Variants in TTLL6 observed in about 807,000 individuals in gnomAD.
The protein encoded by TTLL6 is tubulin tyrosine ligase like 6, also known as tubulin polyglutamylase TTLL6.
In TTLL6, 75 loss-of-function variants were observed where a neutral mutation model predicts 96.4. The ratio of observed to expected loss-of-function variants is 0.78; its 90% confidence interval spans 0.65 to 0.94. The LOEUF (loss-of-function observed/expected upper bound fraction) is 0.94, where lower values mean the gene tolerates loss of function less well. TTLL6 is among the 40% of genes least tolerant of loss of function. The pLI, the probability that TTLL6 is intolerant of heterozygous loss-of-function variation, is 0.00. For synonymous variants in TTLL6, 411 were observed against 419.4 expected (o/e 0.98, Z 0.24); for missense variants, 1,030 against 1,093.0 (o/e 0.94, Z 0.81).
chr17:48,811,518 G>C (rs1295512421), intron 1 of TTLL6, among the ~76,000 whole-genome samples: 1 of 151,864 alleles, frequency 6.6e-6, no homozygotes. Context: ...ACCATGAGCC[G>C]CTGTGCCCAG....
At chr17:48,774,096 C>CAAAAAAAAAAAAAAA (rs1286139436) in intron 13 of TTLL6, among the ~76,000 whole-genome samples, 19 of 44,074 alleles carry the variant, frequency 4.3e-4, no homozygotes, top group Middle Eastern at 0.011. Flanking sequence ...AAAAACAAAA[C>CAAAAAAAAAAAAAAA]AAAAAAAAAA....
rs748462921 is a variant in TTLL6 at position 48,790,000 on chromosome 17, T to C, written c.1331A>G (p.Lys444Arg). ...TCTCTCCTCCTCCAAGACTTTCTTCTTGTCACAGCTTTCCAGGTTGATCAG... is the reference window on the plus strand; with the variant it reads ...TCTCTCCTCCTCCAAGACTTTCTTCCTGTCACAGCTTTCCAGGTTGATCAG... ...LVLINLESCDKKKVLEEERQR... is the reference protein window; with the variant it reads ...LVLINLESCDRKKVLEEERQR... Residue 444 changes from lysine to arginine, a missense_variant, in exon 10 of 16, where the codon AAG (lysine) becomes AGG (arginine). Physicochemically the swap from Lys to Arg is conservative, Grantham distance 26. Transcript: ENST00000393382. 4 of 1,614,086 alleles carry C rather than the reference T, an allele frequency of 2.5e-6. No homozygotes were observed. The Admixed American group carries it at 6.7e-5, about 27-fold the overall frequency.
chr17:48,789,333 A>G (rs573214926), intron 10 of TTLL6, among the ~76,000 whole-genome samples: 1 of 152,110 alleles, frequency 6.6e-6, no homozygotes, highest in African/African-American at 2.4e-5. Flanking sequence ...TGTTAAAATG[A>G]CCCCCTCCAA....
chr17:48,806,055 G>C (rs1159974319), intron 1 of TTLL6: 1 of 152,388 alleles, frequency 6.6e-6, no homozygotes, highest in Non-Finnish European at 1.5e-5. Context: ...GTTGTGGTGA[G>C]CCAAGATCGT....
intron 1 of TTLL6, 86 bp from the exon 2 acceptor site, chr17:48,805,077 G>T (rs1014455268): frequency 4.2e-5 from 46 of 1,106,356 alleles, no homozygotes; most frequent in Non-Finnish European, 4.9e-5. Context: ...AGAGACCCAG[G>T]GTTCTAATTC....
intron 13 of TTLL6, among the ~76,000 whole-genome samples, chr17:48,771,576 G>A (rs190162398): frequency 4.6e-5 from 7 of 151,962 alleles, no homozygotes; most frequent in Non-Finnish European, 1.0e-4. Context: ...AGGTTATAGT[G>A]AGGTATGATC....
chr17:48,769,387 CA>C (rs2038685739), intron 14 of TTLL6, 133 bp from the exon 15 acceptor site: 5 of 1,122,164 alleles, frequency 4.5e-6, no homozygotes, highest in Non-Finnish European at 6.2e-6. Context: ...CAGAATCAGC[CA>C]TTGCTCCTTT....
rs758300674 is a variant in TTLL6, at chr17:48,786,343, T to C, written c.1590-8A>G. On this transcript the variant is annotated splice_polypyrimidine_tract_variant and splice_region_variant and intron_variant, in intron 11 of 15. Coordinates refer to ENST00000393382, the MANE Select transcript of TTLL6 (RefSeq NM_001130918.3). ...AGCTCCTGGATCAGTTGCCTGCCCATGAAGAACAAGTGAACATCATGGGGG... is the reference window on the plus strand; with the variant it reads ...AGCTCCTGGATCAGTTGCCTGCCCACGAAGAACAAGTGAACATCATGGGGG... 3 of 1,614,082 alleles carry C rather than the reference T, an allele frequency of 1.9e-6. No homozygotes were observed. The highest frequency in any genetic ancestry group is 2.5e-6 in the Non-Finnish European group (3 of 1,180,042).
chr17:48,809,842 A>T (rs1002028117), intron 1 of TTLL6, among the ~76,000 whole-genome samples: 4 of 150,690 alleles, frequency 2.7e-5, no homozygotes, highest in African/African-American at 9.8e-5. Context: ...GATGACAGAG[A>T]CCCTGTCTCA....
chr17:48,801,238 G>A lies in TTLL6; in HGVS notation c.611+17C>T. 1.3e-6 allele frequency: 2 copies of A among 1,550,480 alleles called. No individual in the cohort carries two copies. Among genetic ancestry groups the A allele is most frequent in the East Asian group, 2.4e-5 (1 of 40,892 alleles). ...GGAGGGGAGTGGAGAAGGAAGTACA[G>A]GGCGGGGGGCACTCACTCAGCAGGA... On this transcript the variant is annotated intron_variant, in intron 5 of 15. Coordinates refer to ENST00000393382, the MANE Select transcript of TTLL6 (RefSeq NM_001130918.3).
chr17:48,804,771 C>T lies in TTLL6; in HGVS notation c.323+1G>A, dbSNP rs1385799710. The T allele has an allele frequency of 1.3e-6, 2 of 1,552,086 alleles. No homozygotes were observed. Among genetic ancestry groups the T allele is most frequent in the East Asian group, 4.9e-5 (2 of 40,916 alleles). On this transcript the variant is annotated splice_donor_variant, in intron 2 of 15. Transcript: ENST00000393382. LOFTEE classifies it high-confidence loss of function. The stretch of plus-strand genomic sequence containing the variant: ...CCCATTCCCCAGCTTTCAATCCTAA[C>T]CTCTTTTTCTTCCTCTTCTTCTTGC...
At chr17:48,794,658 G>C (rs1299589302) in intron 8 of TTLL6, among the ~76,000 whole-genome samples, 1 of 152,164 alleles carries the variant, frequency 6.6e-6, no homozygotes, top group Admixed American at 6.6e-5. Context: ...TCTGGAAAAG[G>C]GGGAGACTGC....
At chr17:48,766,936 T>A (rs977960616) in intron 15 of TTLL6, among the ~76,000 whole-genome samples, 1 of 3,112 alleles carries the variant, frequency 3.2e-4, no homozygotes, top group African/African-American at 5.6e-4. Flanking sequence ...TTGTTGTTGT[T>A]TTGTTTTGTT....
chr17:48,780,422 T>C (rs757335158), intron 13 of TTLL6, among the ~76,000 whole-genome samples: 2 of 152,202 alleles, frequency 1.3e-5, no homozygotes, highest in Non-Finnish European at 2.9e-5. Context: ...GGAAGTTCTA[T>C]TAAAAGGAGA....
At position 48,804,873 on chromosome 17, in the gene TTLL6, T is replaced by C. The variant is rs1230198159; in HGVS notation, c.222A>G (p.Pro74=). 1.3e-6 allele frequency: 2 copies of C among 1,552,360 alleles called. No homozygotes were observed. Among genetic ancestry groups the C allele is most frequent in the Non-Finnish European group, 1.7e-6 (2 of 1,147,140 alleles). ...EEKGDSSKED[P]KETVALAFVR... is the part of the protein sequence containing the mutation. ...CAAAAGCCAGCGCGACGGTTTCTTT[T>C]GGATCTTCTTTGGAACTGTCCCCCT... Residue 74 remains proline (P), a synonymous_variant, in exon 2 of 16, where the codon CCA becomes CCG. Transcript: ENST00000393382.
chr17:48,797,522 C>T (rs960348856), intron 6 of TTLL6, among the ~76,000 whole-genome samples: 1 of 152,170 alleles, frequency 6.6e-6, no homozygotes, highest in Non-Finnish European at 1.5e-5. Flanking sequence ...CGTGGTGGCT[C>T]ATGCCTGTAA....
chr17:48,794,200 T>A, intron 8 of TTLL6: 1 of 1,613,876 alleles, frequency 6.2e-7, no homozygotes, highest in Non-Finnish European at 8.5e-7. Flanking sequence ...CCTTGCAACC[T>A]CACCTTAGTT....
intron 11 of TTLL6, among the ~76,000 whole-genome samples, chr17:48,787,450 G>T (rs561491865): frequency 5.1e-4 from 77 of 152,248 alleles, no homozygotes; most frequent in African/African-American, 1.8e-3. Context: ...GAGTGCAGGG[G>T]TGCAATCACA....
In TTLL6 at chr17:48,785,004, C is replaced by T. The variant is rs763876040; in HGVS notation, c.1959G>A (p.Ser653=). Residue 653 remains serine (S), a synonymous_variant, in exon 13 of 16, where the codon TCG becomes TCA. Transcript: ENST00000393382. ...AGTTGGGTTTACTGGGCTCCAACTTCGAGCTGCTGAGATTGATATTCCTCA... is the reference window on the plus strand; with the variant it reads ...AGTTGGGTTTACTGGGCTCCAACTTTGAGCTGCTGAGATTGATATTCCTCA... ...PDLRNINLSS[S]KLEPSKPNFS... is the part of the protein sequence containing the mutation. The T allele has an allele frequency of 4.3e-6, 7 of 1,614,198 alleles. No homozygotes were observed. The highest frequency in any genetic ancestry group is 2.7e-5 in the African/African-American group (2 of 75,048).
Sources: allele counts gnomAD v4.1 joint callset (sites outside exome capture counted in the v4.1 genomes callset), GRCh38; gene constraint gnomAD v4.1.1; transcripts MANE v1.5; gene names NCBI Gene and HGNC (gene_info 2026-07-23, HGNC 2026-07-21).